KIAA1217: variants seen among roughly 807,000 people sequenced by gnomAD.
The protein encoded by KIAA1217 is sickle tail protein homolog.
A neutral mutation model predicts 163.9 loss-of-function variants in KIAA1217; 88 were observed. The ratio of observed to expected loss-of-function variants is 0.54; its 90% CI spans 0.45 to 0.64. KIAA1217 has a LOEUF of 0.64. Ranked by LOEUF, KIAA1217 falls within the 30% of genes least tolerant of loss-of-function variation. KIAA1217 has a pLI of 0.00. For missense variants in KIAA1217, 2,372 were observed against 2,475.0 expected, an observed-to-expected ratio of 0.96 and a Z score of 0.88; for synonymous variants, 903 against 923.1, an observed-to-expected ratio of 0.98 and a Z score of 0.39.
intron 3 of KIAA1217, among the ~76,000 whole-genome samples, chr10:24,420,024 A>G (rs2058603503): frequency 6.6e-6 from 1 of 152,056 alleles, no homozygotes; most frequent in Non-Finnish European, 1.5e-5. Context: ...CGGTGCTACA[A>G]TGAGCTCCAT....
At chr10:24,342,437 CA>C (rs1264351074) in intron 2 of KIAA1217, among the ~76,000 whole-genome samples, 11 of 152,166 alleles carry the variant, frequency 7.2e-5, no homozygotes, top group African/African-American at 2.4e-4. Context: ...CTTCTACCTT[CA>C]ATTCTCAATC....
chr10:24,051,401 T>C (rs889165638), intron 2 of KIAA1217, among the ~76,000 whole-genome samples: 5 of 152,200 alleles, frequency 3.3e-5, no homozygotes, highest in African/African-American at 9.6e-5. Flanking sequence ...TAATTACTTC[T>C]TTTCCTCTGG....
intron 2 of KIAA1217, among the ~76,000 whole-genome samples, chr10:24,165,995 T>C (rs2065326084): frequency 6.6e-6 from 1 of 152,190 alleles, no homozygotes; most frequent in Non-Finnish European, 1.5e-5. Context: ...GCCTTTCTTC[T>C]TCCATGCTCC....
chr10:24,336,929 TAAATATAAGAGCTAAAACTATAAAATG>T (rs1255363640), intron 2 of KIAA1217, among the ~76,000 whole-genome samples: 1 of 152,120 alleles, frequency 6.6e-6, no homozygotes, highest in Non-Finnish European at 1.5e-5. Flanking sequence ...ATCAAACATC[TAAATATAAGAGCTAAAACTATAAAATG>T]CTTGGAAGAA....
At chr10:23,922,471 G>A (rs1427194825) in intron 1 of KIAA1217, among the ~76,000 whole-genome samples, 1 of 152,184 alleles carries the variant, frequency 6.6e-6, no homozygotes, top group Non-Finnish European at 1.5e-5. Context: ...ACCTAAGTCT[G>A]GGTGACATGG....
rs912101446 is a variant in KIAA1217 at position 24,067,798 on chromosome 10, G to A, written c.-171+60424G>A. 6.6e-5 allele frequency among the ~76,000 whole-genome samples: 10 copies of A among 152,166 alleles called. No homozygotes were observed. The East Asian group carries it at 7.7e-4, about 12-fold the overall frequency. ...AGCTGTGGTGGGCTCCACCCAGTTC[G>A]AGCTTCCTGGCCACTTTGTTTACCT... On this transcript the variant is annotated intron_variant, in intron 2 of 18. Coordinates refer to the KIAA1217 transcript ENST00000376462.
At chr10:23,700,298 C>T (rs1836347414) in intron 1 of KIAA1217, among the ~76,000 whole-genome samples, 1 of 152,094 alleles carries the variant, frequency 6.6e-6, no homozygotes, top group Non-Finnish European at 1.5e-5. Flanking sequence ...CAGTTATCAC[C>T]ACATCCCTTC....
chr10:24,422,922 TGA>T (rs2058858155), intron 3 of KIAA1217, among the ~76,000 whole-genome samples: 2 of 146,062 alleles, frequency 1.4e-5, no homozygotes, highest in Admixed American at 6.9e-5. Flanking sequence ...TTTTTTTTTT[TGA>T]GACAGAGTCT....
intron 1 of KIAA1217, among the ~76,000 whole-genome samples, chr10:23,866,804 C>T (rs1352446952): frequency 6.6e-6 from 1 of 152,014 alleles, no homozygotes. Flanking sequence ...GAGCTCTTCT[C>T]TTTGGTGCGA....
intron 2 of KIAA1217, among the ~76,000 whole-genome samples, chr10:24,180,394 C>G (rs1000547807): frequency 1.3e-5 from 2 of 149,914 alleles, no homozygotes; most frequent in Admixed American, 1.3e-4. Context: ...TCAAGCAATT[C>G]TCCTGCCTCA....
At chr10:24,408,152 A>G (rs2057409496) in intron 3 of KIAA1217, among the ~76,000 whole-genome samples, 1 of 152,142 alleles carries the variant, frequency 6.6e-6, no homozygotes, top group Non-Finnish European at 1.5e-5. Flanking sequence ...CTCATCAGTA[A>G]ATGGATATAA....
chr10:23,748,500 A>G (rs1013789467), intron 1 of KIAA1217, among the ~76,000 whole-genome samples: 1 of 125,458 alleles, frequency 8.0e-6, no homozygotes, highest in Admixed American at 8.4e-5. Context: ...AAAGAAGGGA[A>G]AGGAGAGGAG....
chr10:23,948,175 C>T (rs1040801756), intron 1 of KIAA1217, among the ~76,000 whole-genome samples: 29 of 152,140 alleles, frequency 1.9e-4, no homozygotes, highest in Non-Finnish European at 3.8e-4. Flanking sequence ...GTTCAAATCC[C>T]AGCTCTCACC....
At chr10:24,528,309 G>GT (rs371117159) in intron 14 of KIAA1217, among the ~76,000 whole-genome samples, 190 bp downstream of exon 14, 1,403 of 73,762 alleles carry the variant, frequency 0.019, 27 homozygotes, top group African/African-American at 0.053. Flanking sequence ...CTCTCTTTTT[G>GT]TTTTTTTTTT....
At chr10:24,267,532 T>A (rs1439141691) in intron 2 of KIAA1217, among the ~76,000 whole-genome samples, 1 of 152,162 alleles carries the variant, frequency 6.6e-6, no homozygotes, top group Non-Finnish European at 1.5e-5. Context: ...ACGCTAGTCT[T>A]GAACTCCTGG....
intron 1 of KIAA1217, among the ~76,000 whole-genome samples, chr10:24,004,039 G>A (rs893404556): frequency 6.6e-6 from 1 of 151,952 alleles, no homozygotes; most frequent in South Asian, 2.1e-4. Context: ...GAGTGCAATG[G>A]CACGATCTCA....
At position 23,991,177 on chromosome 10, in the gene KIAA1217, C is replaced by A. The variant is rs118105653; in HGVS notation, c.-320-16048C>A. On this transcript the variant is annotated intron_variant, in intron 1 of 18. Coordinates refer to the KIAA1217 transcript ENST00000376462. ...AATCTCTGCTAAAAGCCATGCTTTG[C>A]AAACCCAGTCTGTGGGTCTACAGCA... is the stretch of plus-strand genomic sequence containing the variant. 2.5e-3 allele frequency among the ~76,000 whole-genome samples: 375 copies of A among 152,324 alleles called. 3 individuals are homozygous for A. The highest frequency in any genetic ancestry group is 0.019 in the South Asian group (91 of 4,826).
intron 1 of KIAA1217, among the ~76,000 whole-genome samples, chr10:23,710,806 G>T (rs562018437): frequency 1.3e-5 from 2 of 152,252 alleles, no homozygotes; most frequent in Admixed American, 1.3e-4. Flanking sequence ...TCTCCAGGTA[G>T]CTCATCAAAT....
At chr10:24,354,392 G>A (rs1411223643) in intron 2 of KIAA1217, among the ~76,000 whole-genome samples, 1 of 152,158 alleles carries the variant, frequency 6.6e-6, no homozygotes, top group African/African-American at 2.4e-5. Flanking sequence ...TTGGACTCTG[G>A]CCCCACAGTA....
Sources: gnomAD v4.1 joint callset for allele counts (sites outside exome capture counted in the v4.1 genomes callset) on GRCh38, gnomAD v4.1.1 for gene constraint, MANE v1.5 for transcripts, NCBI Gene and HGNC (gene_info 2026-07-23, HGNC 2026-07-21) for gene names.